RIMS2: variants seen among roughly 807,000 people sequenced by gnomAD.
RIMS2 encodes the protein regulating synaptic membrane exocytosis protein 2.
RIMS2 carries 59 observed loss-of-function variants against 174.4 expected under a neutral mutation model. That is an observed-to-expected ratio of 0.34 (90% CI 0.27 to 0.42). The LOEUF (loss-of-function observed/expected upper bound fraction) is 0.42, where lower values mean the gene tolerates loss of function less well. Among genes scored for constraint, RIMS2 ranks in the 10% least tolerant of loss-of-function variants. The probability of loss-of-function intolerance (pLI) is 1.00; values close to 1 mark genes in which losing one functional copy is unlikely to be tolerated. For synonymous variants in RIMS2, 606 were observed against 572.5 expected, an observed-to-expected ratio of 1.06 and a Z score of -0.84; for missense variants, 1,620 against 1,666.3, an observed-to-expected ratio of 0.97 and a Z score of 0.48.
Position 103,711,158 on chromosome 8 carries a change from A to G in RIMS2, c.387+13862A>G, listed in dbSNP as rs931841788. Among the ~76,000 whole-genome samples the G allele has an allele frequency of 2.3e-4, 35 of 152,194 alleles. 1 individual carries two copies. Among genetic ancestry groups the G allele is most frequent in the Non-Finnish European group, 5.9e-5 (4 of 68,038 alleles). On this transcript the variant is annotated intron_variant, in intron 2 of 23. Coordinates refer to ENST00000504942, the Ensembl canonical transcript of RIMS2. ...TTTTACAATTGTTCTATTTTTCAAA[A>G]GAAAGGTACATTCCTCAGCCTTACC...
chr8:104,056,229 C>T (rs1018723524), intron 19 of RIMS2, among the ~76,000 whole-genome samples: 1 of 151,802 alleles, frequency 6.6e-6, no homozygotes. Context: ...ATGGTAAAAC[C>T]CTGAATCTAC....
At chr8:103,673,239 C>T (rs1460640975) in intron 1 of RIMS2, among the ~76,000 whole-genome samples, 1 of 152,178 alleles carries the variant, frequency 6.6e-6, no homozygotes, top group Non-Finnish European at 1.5e-5. Flanking sequence ...ATGCAGGATT[C>T]AAGCTCCCAC....
At chr8:103,664,452 CA>C (rs1184606142) in intron 1 of RIMS2, among the ~76,000 whole-genome samples, 12 of 152,170 alleles carry the variant, frequency 7.9e-5, no homozygotes, top group Admixed American at 5.2e-4. Flanking sequence ...ACAACCACAT[CA>C]AAAAGTGGAT....
chr8:103,653,945 G>A lies in RIMS2; in HGVS notation c.177-43141G>A, dbSNP rs148258232. 6.1e-3 allele frequency among the ~76,000 whole-genome samples: 928 copies of A among 152,032 alleles called. 8 individuals are homozygous for A. Among genetic ancestry groups the A allele is most frequent in the African/African-American group, 0.021 (861 of 41,510 alleles). On this transcript the variant is annotated intron_variant, in intron 1 of 23. Coordinates refer to ENST00000504942, the Ensembl canonical transcript of RIMS2. ...ACTCAATAAATATTTCTTCACAATT[G>A]ATTTTTCATATTTTATCCTTTTATG...
At chr8:103,958,142 G>A (rs186110842) in intron 14 of RIMS2, among the ~76,000 whole-genome samples, 2 of 152,222 alleles carry the variant, frequency 1.3e-5, no homozygotes, top group Admixed American at 1.3e-4. Context: ...GCAAAGACAT[G>A]GAATTAACCT....
At chr8:103,638,339 A>G (rs569588272) in intron 1 of RIMS2, among the ~76,000 whole-genome samples, 2 of 152,220 alleles carry the variant, frequency 1.3e-5, no homozygotes, top group East Asian at 1.9e-4. Context: ...ATGTTAGCAT[A>G]TATCAGTGGA....
intron 15 of RIMS2, among the ~76,000 whole-genome samples, chr8:103,970,147 T>G (rs2092699293): frequency 6.6e-6 from 1 of 152,186 alleles, no homozygotes. Context: ...AATGTGCTGG[T>G]AAGGTCGGGG....
At chr8:103,998,210 A>C (rs1401671483) in intron 17 of RIMS2, 2 of 1,609,914 alleles carry the variant, frequency 1.2e-6, no homozygotes, top group Non-Finnish European at 8.5e-7. Context: ...ACCTCGCTCC[A>C]GATACAGTCA....
chr8:103,536,154 A>G (rs888479060), intron 1 of RIMS2, among the ~76,000 whole-genome samples: 3 of 152,172 alleles, frequency 2.0e-5, no homozygotes, highest in Admixed American at 6.5e-5. Context: ...CTGGGAATGG[A>G]AACTGCAGAG....
intron 19 of RIMS2, among the ~76,000 whole-genome samples, chr8:104,096,334 C>T (rs1228235398): frequency 6.6e-6 from 1 of 152,028 alleles, no homozygotes; most frequent in Non-Finnish European, 1.5e-5. Flanking sequence ...AAGACTATAA[C>T]CTTAAGTTTC....
intron 19 of RIMS2, among the ~76,000 whole-genome samples, chr8:104,054,891 C>A (rs2096843556): frequency 6.6e-6 from 1 of 152,088 alleles, no homozygotes. Flanking sequence ...TATTTTATAA[C>A]ATCATTGAAA....
chr8:103,826,648 AG>A (rs1332245735), intron 3 of RIMS2, among the ~76,000 whole-genome samples: 1 of 150,536 alleles, frequency 6.6e-6, no homozygotes, highest in Non-Finnish European at 1.5e-5. Flanking sequence ...TTTGTCCAAT[AG>A]GTTATATAGT....
chr8:103,893,927 A>G (rs1163721720), intron 4 of RIMS2, among the ~76,000 whole-genome samples: 2 of 152,048 alleles, frequency 1.3e-5, no homozygotes, highest in African/African-American at 2.4e-5. Context: ...ATTTTTTATT[A>G]ACTGTGCACA....
At chr8:103,913,906 C>G (rs2076195653) in intron 6 of RIMS2, among the ~76,000 whole-genome samples, 1 of 152,138 alleles carries the variant, frequency 6.6e-6, no homozygotes, top group Non-Finnish European at 1.5e-5. Flanking sequence ...GATTACAATT[C>G]AACATGAGAT....
intron 1 of RIMS2, among the ~76,000 whole-genome samples, chr8:103,611,957 C>A (rs945293999): frequency 7.0e-6 from 1 of 143,802 alleles, no homozygotes; most frequent in Non-Finnish European, 1.5e-5. Context: ...AGGCATACTT[C>A]ATTGTTTTTT....
At chr8:104,129,060 A>C (rs900369288) in intron 19 of RIMS2, among the ~76,000 whole-genome samples, 3 of 152,142 alleles carry the variant, frequency 2.0e-5, no homozygotes, top group African/African-American at 7.2e-5. Context: ...ATTTTGACTA[A>C]ATTGTTTATA....
intron 3 of RIMS2, among the ~76,000 whole-genome samples, chr8:103,858,908 C>T (rs367714978): frequency 6.6e-6 from 1 of 151,894 alleles, no homozygotes; most frequent in African/African-American, 2.4e-5. Context: ...ATTCATTGAG[C>T]TTGTCATTCA....
intron 1 of RIMS2, among the ~76,000 whole-genome samples, chr8:103,655,237 T>A (rs2096513465): frequency 1.3e-5 from 2 of 151,956 alleles, no homozygotes; most frequent in South Asian, 4.1e-4. Flanking sequence ...ATAAATTAAA[T>A]AATTTTAATA....
At chr8:103,837,475 A>G (rs896362593) in intron 3 of RIMS2, among the ~76,000 whole-genome samples, 8 of 152,170 alleles carry the variant, frequency 5.3e-5, no homozygotes, top group African/African-American at 1.9e-4. Context: ...TGCACCCATT[A>G]ACTCGTCATT....
Sources: gnomAD v4.1 joint callset for allele counts (sites outside exome capture counted in the v4.1 genomes callset) on GRCh38, gnomAD v4.1.1 for gene constraint, MANE v1.5 for transcripts, NCBI Gene and HGNC (gene_info 2026-07-23, HGNC 2026-07-21) for gene names.